ADRA1B: variants seen among roughly 807,000 people sequenced by gnomAD.
ADRA1B encodes adrenoceptor alpha 1B, also known as alpha-1B adrenergic receptor.
ADRA1B carries 17 observed loss-of-function variants against 17.9 expected under a neutral mutation model. The ratio of observed to expected loss-of-function variants is 0.95; its 90% CI spans 0.65 to 1.42. The LOEUF (loss-of-function observed/expected upper bound fraction) is 1.42. Among genes scored for constraint, ADRA1B ranks in the 40% most tolerant of loss-of-function variants. The pLI is 0.00. For synonymous variants in ADRA1B, 366 were observed against 327.6 expected (o/e 1.12, Z -1.27); for missense variants, 681 against 722.1 (o/e 0.94, Z 0.65).
At chr5:159,982,345 A>G in the ADRA1B span, among the ~76,000 whole-genome samples, 3 of 152,236 alleles carry the variant, frequency 2.0e-5, no homozygotes, top group Admixed American at 2.0e-4. Flanking sequence ...CAAAGGAGTC[A>G]GAGGGCATAA....
At chr5:159,933,716 A>G (rs977282548) in intron 1 of ADRA1B, among the ~76,000 whole-genome samples, 1 of 152,270 alleles carries the variant, frequency 6.6e-6, no homozygotes, top group Non-Finnish European at 1.5e-5. Context: ...GCAGTCAGCC[A>G]CAGCGTATAA....
intron 1 of ADRA1B, among the ~76,000 whole-genome samples, chr5:159,896,643 A>ATATTAGG (rs1234609785): frequency 2.6e-5 from 4 of 152,238 alleles, no homozygotes; most frequent in Non-Finnish European, 4.4e-5. Context: ...TGTGAAGAGC[A>ATATTAGG]TATTAGGTCC....
At chr5:159,900,481 G>A (rs1754089664) in intron 1 of ADRA1B, among the ~76,000 whole-genome samples, 3 of 152,152 alleles carry the variant, frequency 2.0e-5, no homozygotes, top group Admixed American at 1.3e-4. Context: ...TGGTTGTTAT[G>A]GTGAGTAGAA....
chr5:159,985,108 C>A, the ADRA1B span, among the ~76,000 whole-genome samples: 3 of 152,046 alleles, frequency 2.0e-5, no homozygotes, highest in Non-Finnish European at 2.9e-5. Context: ...GGGACAGTCC[C>A]TTCTTAGGGC....
intron 1 of ADRA1B, among the ~76,000 whole-genome samples, chr5:159,942,187 G>T (rs1054162056): frequency 1.6e-4 from 24 of 152,130 alleles, no homozygotes; most frequent in Non-Finnish European, 2.6e-4. Context: ...CTCCCAAAGT[G>T]CTGGGATTAC....
chr5:159,953,859 G>C (rs1755498015), intron 1 of ADRA1B, among the ~76,000 whole-genome samples: 1 of 151,592 alleles, frequency 6.6e-6, no homozygotes, highest in African/African-American at 2.4e-5. Context: ...GCCAAATTGA[G>C]AATGGAGCAT....
chr5:159,907,242 G>A (rs1251140255), intron 1 of ADRA1B, among the ~76,000 whole-genome samples: 4 of 152,058 alleles, frequency 2.6e-5, no homozygotes, highest in Admixed American at 6.6e-5. Flanking sequence ...CACCCACACC[G>A]GCTTGATCTC....
downstream of ADRA1B, among the ~76,000 whole-genome samples, chr5:159,975,805 C>G (rs1755962080): frequency 6.6e-6 from 1 of 152,172 alleles, no homozygotes; most frequent in South Asian, 2.1e-4. Flanking sequence ...ATCAAGAGCC[C>G]CTCAGGCAGA....
At chr5:159,915,512 G>C (rs1183172018), upstream of ADRA1B, among the ~76,000 whole-genome samples, 2 of 151,996 alleles carry the variant, frequency 1.3e-5, no homozygotes, top group African/African-American at 4.8e-5. Context: ...TTGGGAGTGC[G>C]TCCCTGTGAC....
intron 1 of ADRA1B, among the ~76,000 whole-genome samples, chr5:159,885,325 C>T (rs1418244037): frequency 6.6e-6 from 1 of 152,196 alleles, no homozygotes; most frequent in Non-Finnish European, 1.5e-5. Context: ...AACTTCCCTC[C>T]ATGTAGCCTC....
intron 1 of ADRA1B, chr5:159,950,902 G>A (rs533555054): frequency 4.1e-4 from 233 of 565,840 alleles, no homozygotes; most frequent in African/African-American, 2.8e-3. Context: ...GGAGAGCCCC[G>A]CAGCCGTCGC....
chr5:159,958,332 T>C (rs1755603782), intron 1 of ADRA1B, among the ~76,000 whole-genome samples: 1 of 152,216 alleles, frequency 6.6e-6, no homozygotes, highest in Non-Finnish European at 1.5e-5. Flanking sequence ...AGTCTGTTTT[T>C]TCCCACAAGC....
chr5:159,958,939 A>AC (rs1420000939), intron 1 of ADRA1B, among the ~76,000 whole-genome samples: 1 of 152,238 alleles, frequency 6.6e-6, no homozygotes, highest in African/African-American at 2.4e-5. Flanking sequence ...TGCTGCAGAA[A>AC]CCATTTCATC....
chr5:159,935,827 G>T (rs146653660), intron 1 of ADRA1B, among the ~76,000 whole-genome samples: 3 of 152,204 alleles, frequency 2.0e-5, no homozygotes, highest in African/African-American at 4.8e-5. Flanking sequence ...GATTACAGGC[G>T]TGAGCCACCG....
chr5:159,912,625 A>G (rs762654347), upstream of ADRA1B, among the ~76,000 whole-genome samples: 22 of 152,224 alleles, frequency 1.4e-4, no homozygotes, highest in Non-Finnish European at 2.8e-4. Flanking sequence ...TCTGGTGCAG[A>G]GAGAAGGATG....
intron 1 of ADRA1B, chr5:159,954,996 A>T: frequency 3.1e-6 from 1 of 321,470 alleles, no homozygotes; most frequent in Non-Finnish European, 4.5e-6. Flanking sequence ...CGGTAGACCT[A>T]GACTGAGAAG....
chr5:159,917,555 C>T lies in ADRA1B; in HGVS notation c.650C>T (p.Ala217Val), dbSNP rs751740593. ...CTGGGCTCCTTCTACATCCCTCTGGCGGTCATTCTAGTCATGTACTGCCGT... is the reference window on the plus strand; with the variant it reads ...CTGGGCTCCTTCTACATCCCTCTGGTGGTCATTCTAGTCATGTACTGCCGT... Reference protein sequence around the residue: ...SSLGSFYIPLAVILVMYCRVY... With the variant: ...SSLGSFYIPLVVILVMYCRVY... The change falls in exon 1 of 2, where the codon GCG becomes GTG. Residue 217 changes from alanine to valine, a missense_variant. By Grantham distance (64) the Ala-to-Val change is moderately conservative. Transcript: ENST00000306675. 7.8e-5 allele frequency: 126 copies of T among 1,613,872 alleles called. No homozygotes were observed. In the Middle Eastern group the frequency reaches 2.1e-3, roughly 27 times the overall value.
At chr5:159,877,767 A>G (rs1753818289) in intron 1 of ADRA1B, among the ~76,000 whole-genome samples, 1 of 152,250 alleles carries the variant, frequency 6.6e-6, no homozygotes, top group Non-Finnish European at 1.5e-5. Flanking sequence ...AAGAAGGTGC[A>G]GCGTGCCCAG....
At chr5:159,872,996 A>G (rs1165596568) in intron 1 of ADRA1B, among the ~76,000 whole-genome samples, 5 of 147,746 alleles carry the variant, frequency 3.4e-5, no homozygotes, top group African/African-American at 5.0e-5. Context: ...TCATTGTTCA[A>G]CTCCCACCTA....
Sources: allele counts gnomAD v4.1 joint callset (sites outside exome capture counted in the v4.1 genomes callset), GRCh38; gene constraint gnomAD v4.1.1; transcripts MANE v1.5; gene names NCBI Gene and HGNC (gene_info 2026-07-23, HGNC 2026-07-21).